TTC39B: variants seen among roughly 807,000 people sequenced by gnomAD.
The protein encoded by TTC39B is tetratricopeptide repeat protein 39B.
In TTC39B, 92 loss-of-function variants were observed where a neutral mutation model predicts 96.6. The ratio of observed to expected loss-of-function variants is 0.95; its 90% CI spans 0.80 to 1.13. The LOEUF is 1.13. TTC39B is among the 50% of genes most tolerant of loss of function. The pLI is 0.00. For synonymous variants in TTC39B, 367 were observed against 299.4 expected, an observed-to-expected ratio of 1.23 and a Z score of -2.33; for missense variants, 955 against 809.3, an observed-to-expected ratio of 1.18 and a Z score of -2.18.
At chr9:15,268,855 A>G (rs930751573) in intron 1 of TTC39B, among the ~76,000 whole-genome samples, 2 of 152,180 alleles carry the variant, frequency 1.3e-5, no homozygotes, top group African/African-American at 4.8e-5. Context: ...GAATAAGCAT[A>G]CACCATTCCA....
rs1177563927 is a variant in TTC39B at position 15,221,329 on chromosome 9, TG to T, written c.371+4587del. ...TGTTTACCCAATTATTTATATACTA[TG>T]AACACATTCATATTAATTGATTCTG... On this transcript the variant is annotated intron_variant, in intron 3 of 19. Coordinates refer to ENST00000512701, the Ensembl canonical transcript of TTC39B. 1.1e-4 allele frequency among the ~76,000 whole-genome samples: 16 copies of T among 152,222 alleles called. 1 individual carries two copies. Among genetic ancestry groups the T allele is most frequent in the African/African-American group, 3.9e-4 (16 of 41,452 alleles).
At chr9:15,295,387 G>A (rs1406061763) in intron 1 of TTC39B, among the ~76,000 whole-genome samples, 2 of 152,206 alleles carry the variant, frequency 1.3e-5, no homozygotes, top group Admixed American at 6.5e-5. Flanking sequence ...AGTTTGAGAA[G>A]TTTGTGGCTG....
At chr9:15,173,262 A>G (rs1268048594) in intron 19 of TTC39B, among the ~76,000 whole-genome samples, 1 of 152,178 alleles carries the variant, frequency 6.6e-6, no homozygotes, top group Non-Finnish European at 1.5e-5. Flanking sequence ...CATACTCCCA[A>G]CAAATTAACT....
At position 15,307,189 on chromosome 9, in the gene TTC39B, C is replaced by T. The variant is rs1022890262; in HGVS notation, c.135G>A (p.Pro45=). ...GGAACTCAGAGCCGACTCCTGCTCT[C>T]GGCTCTGGGCTCAGCCCAGCGCAAA... is the stretch of plus-strand genomic sequence containing the variant. The change falls in exon 1 of 20, where the codon CCG becomes CCA. Residue 45 remains proline (P), a synonymous_variant. Coordinates refer to ENST00000512701, the Ensembl canonical transcript of TTC39B. The T allele has an allele frequency of 5.7e-6, 9 of 1,578,268 alleles. 1 individual carries two copies. Among genetic ancestry groups the T allele is most frequent in the Non-Finnish European group, 6.9e-6 (8 of 1,160,616 alleles).
At chr9:15,221,811 A>G (rs1203655181) in intron 3 of TTC39B, among the ~76,000 whole-genome samples, 1 of 152,214 alleles carries the variant, frequency 6.6e-6, no homozygotes, top group East Asian at 1.9e-4. Context: ...TTATACCTTA[A>G]TGCCCCTTCT....
chr9:15,272,323 C>T (rs1823385568), intron 1 of TTC39B, among the ~76,000 whole-genome samples: 1 of 152,226 alleles, frequency 6.6e-6, no homozygotes, highest in South Asian at 2.1e-4. Context: ...TTTCCTAGTG[C>T]TCCTCCAGTG....
At chr9:15,269,072 C>A (rs1823241807) in intron 1 of TTC39B, among the ~76,000 whole-genome samples, 1 of 152,160 alleles carries the variant, frequency 6.6e-6, no homozygotes, top group African/African-American at 2.4e-5. Context: ...TTATAATGTC[C>A]TTTGCTCAAT....
At chr9:15,230,750 C>T (rs147943477) in intron 2 of TTC39B, among the ~76,000 whole-genome samples, 1 of 151,970 alleles carries the variant, frequency 6.6e-6, no homozygotes, top group Non-Finnish European at 1.5e-5. Context: ...TTTGGGAGGC[C>T]GAGGAGGGCA....
intron 3 of TTC39B, among the ~76,000 whole-genome samples, chr9:15,216,041 C>G (rs892723501): frequency 3.3e-5 from 5 of 152,158 alleles, no homozygotes; most frequent in Non-Finnish European, 7.3e-5. Flanking sequence ...GCCAGAACCC[C>G]TCTCTCCTCG....
rs79399824 is a variant in TTC39B at position 15,279,067 on chromosome 9, T to C, written c.241-11119A>G. On this transcript the variant is annotated intron_variant, in intron 1 of 19. Transcript: ENST00000512701. ...GAATAATACCACTTAATTTACAGCATTGTGAGATTTTAACCAATATTATAT... is the reference window on the plus strand; with the variant it reads ...GAATAATACCACTTAATTTACAGCACTGTGAGATTTTAACCAATATTATAT... Among the ~76,000 whole-genome samples the C allele has an allele frequency of 1.7e-4, 26 of 152,366 alleles. 1 individual carries two copies. In the East Asian group the frequency reaches 4.6e-3, roughly 27 times the overall value.
intron 2 of TTC39B, among the ~76,000 whole-genome samples, chr9:15,248,431 T>C (rs1363499853): frequency 6.6e-6 from 1 of 152,150 alleles, no homozygotes; most frequent in Non-Finnish European, 1.5e-5. Context: ...ACAAAGTACT[T>C]ACACTTCTAC....
intron 6 of TTC39B, among the ~76,000 whole-genome samples, chr9:15,204,356 C>A (rs191510695): frequency 2.0e-5 from 3 of 151,906 alleles, no homozygotes; most frequent in Non-Finnish European, 2.9e-5. Flanking sequence ...GGCAGAAACC[C>A]CATCTCTACT....
rs1226237548 is a variant in TTC39B at position 15,306,516 on chromosome 9, C to A, written c.240+568G>T. 6.6e-6 allele frequency among the ~76,000 whole-genome samples: 1 copy of A among 152,228 alleles called. No individual in the cohort carries two copies. Among genetic ancestry groups the A allele is most frequent in the South Asian group, 2.1e-4 (1 of 4,836 alleles). On this transcript the variant is annotated intron_variant, in intron 1 of 19. Transcript: ENST00000512701. This position sits in a 1 kb window ranked among gnomAD's most constrained non-coding sequence, Gnocchi z 5.1. ...ACCACAGCCTGGGCTGCGGCTCTAG[C>A]CCTCCAGCCCCAGCCCCTGGCAGCC...
At chr9:15,206,578 T>C (rs930271699) in intron 6 of TTC39B, among the ~76,000 whole-genome samples, 2 of 152,202 alleles carry the variant, frequency 1.3e-5, no homozygotes, top group African/African-American at 4.8e-5. Context: ...TACCAGAATA[T>C]CTCTTAATTA....
intron 9 of TTC39B, 23 bp downstream of exon 9, chr9:15,192,567 T>G: frequency 3.1e-6 from 5 of 1,587,990 alleles, no homozygotes; most frequent in Non-Finnish European, 4.3e-6. Context: ...AAAGTTCTGG[T>G]TTCTATACAG....
chr9:15,193,968 G>A (rs547899086), intron 8 of TTC39B, among the ~76,000 whole-genome samples: 6 of 152,260 alleles, frequency 3.9e-5, no homozygotes, highest in South Asian at 4.1e-4. Flanking sequence ...CCAGGATCCC[G>A]GGTTGGATCC....
At position 15,187,961 on chromosome 9, in the gene TTC39B, T is replaced by C. The variant is rs768577731; in HGVS notation, c.1395+10A>G. The C allele has an allele frequency of 1.9e-6, 3 of 1,561,336 alleles. No homozygotes were observed. Among genetic ancestry groups the C allele is most frequent in the Admixed American group, 3.9e-5 (2 of 50,716 alleles). On this transcript the variant is annotated intron_variant, in intron 14 of 19. Coordinates refer to ENST00000512701, the Ensembl canonical transcript of TTC39B. ...AAACAGATGACATTAATGAAAGTATTGCACTTTACCTTGGACCATTTACTC... is the reference window on the plus strand; with the variant it reads ...AAACAGATGACATTAATGAAAGTATCGCACTTTACCTTGGACCATTTACTC...
At chr9:15,174,925 A>T in intron 19 of TTC39B, 94 bp downstream of exon 19, 1 of 779,750 alleles carries the variant, frequency 1.3e-6, no homozygotes, top group Non-Finnish European at 2.2e-6. Context: ...TGACATTGTT[A>T]ATTGTTAAGT....
At chr9:15,182,342 G>C (rs766576432) in exon 17 of TTC39B, 2 of 1,611,892 alleles carry the variant, frequency 1.2e-6, no homozygotes, top group Non-Finnish European at 8.5e-7. Context: ...TTTTTCAACA[G>C]TTACTAACAG....
Sources: allele counts gnomAD v4.1 joint callset (sites outside exome capture counted in the v4.1 genomes callset), GRCh38; gene constraint gnomAD v4.1.1; non-coding constraint Gnocchi (gnomAD v3.1); transcripts MANE v1.5; gene names NCBI Gene and HGNC (gene_info 2026-07-23, HGNC 2026-07-21).